Variants in FZR1 observed in about 807,000 individuals in gnomAD.
The protein encoded by FZR1 is fizzy and cell division cycle 20 related 1.
Under a neutral mutation model 63.6 loss-of-function variants are expected in FZR1, and 11 were observed. The observed-to-expected ratio is 0.17, with a 90% confidence interval of 0.11 to 0.29. The LOEUF (loss-of-function observed/expected upper bound fraction) is 0.29. Among genes scored for constraint, FZR1 ranks in the 10% least tolerant of loss-of-function variants. The pLI is 1.00. For synonymous variants in FZR1, 328 were observed against 297.9 expected, an observed-to-expected ratio of 1.10 and a Z score of -1.04; for missense variants, 440 against 687.5, an observed-to-expected ratio of 0.64 and a Z score of 4.03.
At chr19:3,531,856 G>T in intron 9 of FZR1, 40 bp downstream of exon 9, 1 of 1,551,342 alleles carries the variant, frequency 6.4e-7, no homozygotes, top group Non-Finnish European at 8.7e-7. Flanking sequence ...GCTCCCTGAG[G>T]CCCCAGCTCC....
At chr19:3,512,089 G>A (rs1163276460) in intron 1 of FZR1, among the ~76,000 whole-genome samples, 1 of 152,216 alleles carries the variant, frequency 6.6e-6, no homozygotes, top group African/African-American at 2.4e-5. Context: ...ACTGATGGGG[G>A]CAGCATGGGA....
intron 7 of FZR1, 58 bp downstream of exon 7, chr19:3,527,872 T>G: frequency 7.4e-7 from 1 of 1,358,398 alleles, no homozygotes; most frequent in South Asian, 1.3e-5. Flanking sequence ...CCAGCAGACC[T>G]CAATGTACCC....
At position 3,527,427 on chromosome 19, in the gene FZR1, G is replaced by T. The variant is rs962591332; in HGVS notation, c.471-204G>T. Among the ~76,000 whole-genome samples, 7 of 152,374 alleles carry T rather than the reference G, an allele frequency of 4.6e-5. No homozygotes were observed. The South Asian group carries it at 1.4e-3, about 32-fold the overall frequency. ...TGTGGGGAGCAGAGCCAGCACAGCT[G>T]TGGAAGGGAGGCCAGGGCAGCCAGA... On this transcript the variant is annotated intron_variant, in intron 6 of 13. Coordinates refer to ENST00000441788, the MANE Select transcript of FZR1 (RefSeq NM_016263.4).
chr19:3,534,240 A>G, intron 12 of FZR1, 181 bp from the exon 13 acceptor site: 2 of 444,782 alleles, frequency 4.5e-6, no homozygotes, highest in Non-Finnish European at 7.9e-6. Flanking sequence ...AAAAAAAAAA[A>G]AAAAAAAGGC....
chr19:3,506,648 G>A (rs1177353795), intron 1 of FZR1, among the ~76,000 whole-genome samples, 174 bp downstream of exon 1: 3 of 151,480 alleles, frequency 2.0e-5, no homozygotes, highest in Non-Finnish European at 4.4e-5. Context: ...AGGCCCGGGT[G>A]ACCTCAGCAT....
chr19:3,525,820 C>T lies in FZR1; in HGVS notation c.70-48C>T, dbSNP rs367667848. 211 of 1,594,368 alleles carry T rather than the reference C, an allele frequency of 1.3e-4. No individual in the cohort carries two copies. The highest frequency in any genetic ancestry group is 1.7e-4 in the Non-Finnish European group (202 of 1,173,810). Reference sequence around the variant, plus strand: ...AGAGAGGCTGGCCTGGGGGCACTCTCGGGGGGCTCTCGGTGCTGAGAGCAA... The same window carrying T: ...AGAGAGGCTGGCCTGGGGGCACTCTTGGGGGGCTCTCGGTGCTGAGAGCAA... On this transcript the variant is annotated intron_variant, in intron 2 of 13. Coordinates refer to ENST00000441788, the MANE Select transcript of FZR1 (RefSeq NM_016263.4). The surrounding 1 kb of genome is among the most constrained non-coding windows in gnomAD (Gnocchi z 4.2).
chr19:3,530,137 C>T (rs1374282828), intron 7 of FZR1, among the ~76,000 whole-genome samples: 1 of 117,424 alleles, frequency 8.5e-6, no homozygotes, highest in Non-Finnish European at 1.8e-5. Context: ...GATGGGAGAG[C>T]GCATGGGTGA....
chr19:3,520,864 G>A (rs2083095127), intron 1 of FZR1, among the ~76,000 whole-genome samples: 1 of 152,246 alleles, frequency 6.6e-6, no homozygotes, highest in African/African-American at 2.4e-5. Flanking sequence ...CCTACCTGGT[G>A]ACGCAAGCCA....
chr19:3,530,015 T>G (rs1402816686), intron 7 of FZR1, among the ~76,000 whole-genome samples: 2 of 72,804 alleles, frequency 2.7e-5, no homozygotes, highest in Non-Finnish European at 5.4e-5. Flanking sequence ...AGCAGATGGG[T>G]GAGTGGATGG....
At chr19:3,522,693 G>A (rs1343060548) in intron 1 of FZR1, among the ~76,000 whole-genome samples, 1 of 152,186 alleles carries the variant, frequency 6.6e-6, no homozygotes, top group Non-Finnish European at 1.5e-5. Flanking sequence ...CCCTCCTGGG[G>A]CCTCCAGGGC....
chr19:3,512,046 C>G (rs2083028328), intron 1 of FZR1, among the ~76,000 whole-genome samples: 1 of 152,138 alleles, frequency 6.6e-6, no homozygotes, highest in Non-Finnish European at 1.5e-5. Flanking sequence ...CCCCGGGAGC[C>G]CCATTTCTCT....
chr19:3,531,806 G>A lies in FZR1; in HGVS notation c.813G>A (p.Thr271=), dbSNP rs867491832. The A allele has an allele frequency of 1.4e-5, 22 of 1,550,088 alleles. No individual in the cohort carries two copies. Among genetic ancestry groups the A allele is most frequent in the Middle Eastern group, 1.7e-4 (1 of 5,770 alleles). Residue 271 remains threonine, a synonymous_variant, in exon 9 of 14, where the codon ACG becomes ACA. Coordinates refer to ENST00000441788, the MANE Select transcript of FZR1 (RefSeq NM_016263.4). ...AGCTGTCCATGTTGGAGGGCCACACGGCACGCGTCGGTGAGGAGCCCGGGT... is the reference window on the plus strand; with the variant it reads ...AGCTGTCCATGTTGGAGGGCCACACAGCACGCGTCGGTGAGGAGCCCGGGT... ...GKKLSMLEGH[T]ARVGALAWNA...
chr19:3,517,679 ACT>A (rs2083068396), intron 1 of FZR1, among the ~76,000 whole-genome samples: 1 of 151,606 alleles, frequency 6.6e-6, no homozygotes, highest in Non-Finnish European at 1.5e-5. Context: ...AAAGAGTGAG[ACT>A]CTATCTCAGA....
In FZR1 at chr19:3,526,449, C is replaced by T; in HGVS notation, c.387+63C>T. ...CAGTGCAGCCTCCCCGGCCCCCCAC[C>T]TCCCAGGCACCAGCTCTGCCTCCCC... On this transcript the variant is annotated intron_variant, in intron 5 of 13. Transcript: ENST00000441788. This position sits in a 1 kb window ranked among gnomAD's most constrained non-coding sequence, Gnocchi z 5.4. 2.2e-6 allele frequency: 3 copies of T among 1,380,530 alleles called. No homozygotes were observed. The highest frequency in any genetic ancestry group is 3.0e-6 in the Non-Finnish European group (3 of 1,010,100). 85.5% of individuals were successfully genotyped at this position (1,380,530 alleles called of 1,614,324 possible).
chr19:3,524,628 A>C (rs2083134661), intron 2 of FZR1, among the ~76,000 whole-genome samples: 1 of 152,096 alleles, frequency 6.6e-6, no homozygotes, highest in African/African-American at 2.4e-5. Flanking sequence ...GGGCCCACGC[A>C]GCACTCGCAG....
At chr19:3,523,192 C>T (rs1161033679) in intron 2 of FZR1, 134 bp downstream of exon 2, 36 of 704,142 alleles carry the variant, frequency 5.1e-5, no homozygotes, top group East Asian at 3.4e-4. Flanking sequence ...CCAGGTCACA[C>T]GGGGCCTCCG....
Position 3,537,764 on chromosome 19 carries a change from G to A in FZR1, c.*2928G>A, listed in dbSNP as rs2030036862. 6.6e-6 allele frequency: 1 copy of A among 152,630 alleles called. No homozygotes were observed. Among genetic ancestry groups the A allele is most frequent in the Non-Finnish European group, 1.5e-5 (1 of 68,398 alleles). 9.5% of individuals were successfully genotyped at this position (152,630 alleles called of 1,614,324 possible). ...AGGCCCCATCCTGGGCATTGGAGAT[G>A]ATGAAACCGAGCAGACCTGGCCCAT... is the stretch of plus-strand genomic sequence containing the variant. On this transcript the variant is annotated 3_prime_UTR_variant, in exon 14 of 14. Transcript: ENST00000441788.
rs979394800 is a variant in FZR1 at position 3,537,122 on chromosome 19, G to C, written c.*2286G>C. 3 of 152,652 alleles carry C rather than the reference G, an allele frequency of 2.0e-5. No homozygotes were observed. Among genetic ancestry groups the C allele is most frequent in the Non-Finnish European group, 2.9e-5 (2 of 68,260 alleles). 9.5% of individuals were successfully genotyped at this position (152,652 alleles called of 1,614,324 possible). ...TGGGGCCAGGAGGGACAGAGCAAGGGGGGTGAAGGCCGTGGTGGGAGGGTC... is the reference window on the plus strand; with the variant it reads ...TGGGGCCAGGAGGGACAGAGCAAGGCGGGTGAAGGCCGTGGTGGGAGGGTC... On this transcript the variant is annotated 3_prime_UTR_variant, in exon 14 of 14. Transcript: ENST00000441788.
Position 3,514,711 on chromosome 19 carries a change from GTCTGCCCCA to G in FZR1, c.-35+8240_-34-8234del, listed in dbSNP as rs1463325065. Among the ~76,000 whole-genome samples, 2 of 152,196 alleles carry G rather than the reference GTCTGCCCCA, an allele frequency of 1.3e-5. No homozygotes were observed. The highest frequency in any genetic ancestry group is 2.9e-5 in the Non-Finnish European group (2 of 68,018). ...AGCTGGAGTCCCCCTGGTTTGTGCT[GTCTGCCCCA>G]TCGGAGGCTTATTCTGGTGTCTGGT... On this transcript the variant is annotated intron_variant, in intron 1 of 13. Coordinates refer to ENST00000441788, the MANE Select transcript of FZR1 (RefSeq NM_016263.4). The surrounding 1 kb of genome is among the most constrained non-coding windows in gnomAD (Gnocchi z 4.2).
Sources: allele counts gnomAD v4.1 joint callset (sites outside exome capture counted in the v4.1 genomes callset), GRCh38; gene constraint gnomAD v4.1.1; non-coding constraint Gnocchi (gnomAD v3.1); transcripts MANE v1.5; gene names NCBI Gene and HGNC (gene_info 2026-07-23, HGNC 2026-07-21).